The following ATP8A1 variants were observed in gnomAD, a reference collection of about 807,000 sequenced individuals.
ATP8A1 encodes ATPase phospholipid transporting 8A1.
ATP8A1 carries 90 observed loss-of-function variants against 177.7 expected under a neutral mutation model. The observed-to-expected ratio is 0.51, with a 90% confidence interval of 0.43 to 0.60. The LOEUF (loss-of-function observed/expected upper bound fraction) is 0.60. Ranked by LOEUF, ATP8A1 falls within the 20% of genes least tolerant of loss-of-function variation. The pLI is 0.00. For synonymous variants in ATP8A1, 493 were observed against 485.9 expected, an observed-to-expected ratio of 1.01 and a Z score of -0.19; for missense variants, 1,072 against 1,392.8, an observed-to-expected ratio of 0.77 and a Z score of 3.67.
chr4:42,639,811 C>T (rs1360813968), intron 1 of ATP8A1, among the ~76,000 whole-genome samples: 2 of 152,088 alleles, frequency 1.3e-5, no homozygotes, highest in Non-Finnish European at 2.9e-5. Context: ...TTCCAAGACC[C>T]CTTACCAAAT....
intron 5 of ATP8A1, among the ~76,000 whole-genome samples, chr4:42,612,757 C>A (rs1230780791): frequency 1.3e-5 from 2 of 152,004 alleles, no homozygotes; most frequent in Non-Finnish European, 2.9e-5. Context: ...GAAAACAGGG[C>A]ATCCAATAAG....
intron 29 of ATP8A1, 138 bp from the exon 30 acceptor site, chr4:42,452,197 G>A: frequency 2.0e-6 from 1 of 507,940 alleles, no homozygotes; most frequent in Admixed American, 3.5e-5. Flanking sequence ...AGAACTGACA[G>A]ACACTTTCTG....
At chr4:42,552,233 G>T (rs1729574238) in intron 17 of ATP8A1, among the ~76,000 whole-genome samples, 1 of 152,080 alleles carries the variant, frequency 6.6e-6, no homozygotes, top group Non-Finnish European at 1.5e-5. Context: ...ATTATTATGT[G>T]TATGTAAAAA....
intron 25 of ATP8A1, among the ~76,000 whole-genome samples, chr4:42,468,068 C>A (rs1441769671): frequency 4.6e-5 from 7 of 151,920 alleles, no homozygotes; most frequent in African/African-American, 1.7e-4. Context: ...ATAAAAAAAT[C>A]AAAAAAGAAT....
rs548843158 is a variant in ATP8A1, at chr4:42,412,853, G to A, written c.*63C>T. On this transcript the variant is annotated 3_prime_UTR_variant, in exon 37 of 37. Transcript: ENST00000381668. ...CCAGACTGGAATTGGTTAGCAGACTGCGGTGACAACCTGGTAGCTCTCCTT... is the reference window on the plus strand; with the variant it reads ...CCAGACTGGAATTGGTTAGCAGACTACGGTGACAACCTGGTAGCTCTCCTT... The A allele has an allele frequency of 7.8e-6, 11 of 1,417,278 alleles. No homozygotes were observed. In the South Asian group the frequency reaches 1.2e-4, roughly 15 times the overall value. The allele number at this position is 1,417,278 out of a possible 1,614,324, so 87.8% of individuals were successfully genotyped here.
intron 1 of ATP8A1, among the ~76,000 whole-genome samples, chr4:42,641,109 C>G (rs1407120827): frequency 2.0e-5 from 3 of 151,726 alleles, no homozygotes; most frequent in Non-Finnish European, 4.4e-5. Flanking sequence ...GTGCAGACTG[C>G]CTGGGTTCCA....
Position 42,552,455 on chromosome 4 carries a change from T to C in ATP8A1, c.1519+50A>G, listed in dbSNP as rs200548856. The C allele has an allele frequency of 1.9e-3, 2,758 of 1,444,470 alleles. 11 individuals are homozygous for C. The highest frequency in any genetic ancestry group is 1.9e-3 in the Non-Finnish European group (1,937 of 1,043,280). The allele number at this position is 1,444,470 out of a possible 1,614,324, so 89.5% of individuals were successfully genotyped here. On this transcript the variant is annotated intron_variant, in intron 17 of 36. Coordinates refer to ENST00000381668, the MANE Select transcript of ATP8A1 (RefSeq NM_006095.2). Reference sequence around the variant, plus strand: ...TTTTAAAATTAAATTGACTTTTACATTCAGAACAATTTTCCACAAAACAAT... The same window carrying C: ...TTTTAAAATTAAATTGACTTTTACACTCAGAACAATTTTCCACAAAACAAT...
chr4:42,466,854 T>C (rs1719825732), intron 25 of ATP8A1, among the ~76,000 whole-genome samples: 1 of 152,264 alleles, frequency 6.6e-6, no homozygotes, highest in African/African-American at 2.4e-5. Flanking sequence ...TGTAGGCCAA[T>C]GTTTAAACCT....
intron 24 of ATP8A1, 26 bp from the exon 25 acceptor site, chr4:42,485,694 C>A (rs765234579): frequency 6.3e-7 from 1 of 1,593,170 alleles, no homozygotes; most frequent in Non-Finnish European, 8.6e-7. Flanking sequence ...AGCAAAAATG[C>A]CATCAACATT....
intron 18 of ATP8A1, among the ~76,000 whole-genome samples, chr4:42,550,802 C>T (rs924438254): frequency 2.6e-5 from 4 of 152,150 alleles, no homozygotes; most frequent in Non-Finnish European, 4.4e-5. Context: ...TATTGGCCAT[C>T]CATATAGCTT....
chr4:42,503,296 C>T lies in ATP8A1; in HGVS notation c.2151+154G>A, dbSNP rs571758980. On this transcript the variant is annotated intron_variant, in intron 24 of 36. Transcript: ENST00000381668. ...CTTGAATCAATTTACATCAATGTGACTCAAAACAGAGTACATTATGTTAAA... is the reference window on the plus strand; with the variant it reads ...CTTGAATCAATTTACATCAATGTGATTCAAAACAGAGTACATTATGTTAAA... 2.6e-5 allele frequency among the ~76,000 whole-genome samples: 4 copies of T among 152,226 alleles called. No homozygotes were observed. The South Asian group carries it at 8.3e-4, about 32-fold the overall frequency.
rs528606663 is a variant in ATP8A1 at position 42,630,369 on chromosome 4, T to C, written c.50-3260A>G. 1.8e-4 allele frequency among the ~76,000 whole-genome samples: 28 copies of C among 152,280 alleles called. No individual in the cohort carries two copies. In the South Asian group the frequency reaches 5.8e-3, roughly 32 times the overall value. On this transcript the variant is annotated intron_variant, in intron 1 of 36. Coordinates refer to ENST00000381668, the MANE Select transcript of ATP8A1 (RefSeq NM_006095.2). ...CACATAAGTCATTAAAATTTACTAG[T>C]AGCTTTTAATCCACCTGTCTGAACT...
In ATP8A1 at chr4:42,552,538, C is replaced by T; in HGVS notation, c.1486G>A (p.Gly496Ser). 6.2e-7 allele frequency: 1 copy of T among 1,613,150 alleles called. No individual in the cohort carries two copies. The highest frequency in any genetic ancestry group is 1.1e-5 in the South Asian group (1 of 90,904). Residue 496 changes from glycine (G) to serine (S), a missense_variant, in exon 17 of 37, where the codon GGT (glycine) becomes AGT (serine). Coordinates refer to ENST00000381668, the MANE Select transcript of ATP8A1 (RefSeq NM_006095.2). ...GCTGCTTGATAAATAATCTTGTCACCTTCTCGCTCTGGCACTGCTGTGTGA... is the reference window on the plus strand; with the variant it reads ...GCTGCTTGATAAATAATCTTGTCACTTTCTCGCTCTGGCACTGCTGTGTGA... ...VCHTAVPERE[G>S]DKIIYQAASP...
At chr4:42,519,936 T>C (rs1725938365) in intron 22 of ATP8A1, among the ~76,000 whole-genome samples, 1 of 152,214 alleles carries the variant, frequency 6.6e-6, no homozygotes, top group Admixed American at 6.5e-5. Flanking sequence ...CATGTGTATA[T>C]GTGTATACAC....
chr4:42,652,684 C>A (rs1187651925), intron 1 of ATP8A1, among the ~76,000 whole-genome samples: 1 of 152,114 alleles, frequency 6.6e-6, no homozygotes, highest in Non-Finnish European at 1.5e-5. Flanking sequence ...GGGGGCAGGT[C>A]TTTCCCGTGC....
At chr4:42,556,877 A>T (rs1479949738) in intron 15 of ATP8A1, among the ~76,000 whole-genome samples, 1 of 152,204 alleles carries the variant, frequency 6.6e-6, no homozygotes, top group Non-Finnish European at 1.5e-5. Flanking sequence ...TGAGGGAAAA[A>T]AATGTGTCCA....
rs773669395 is a variant in ATP8A1, at chr4:42,656,879, C to T, written c.-6G>A. The T allele has an allele frequency of 1.1e-5, 18 of 1,583,084 alleles. No individual in the cohort carries two copies. In the Admixed American group the frequency reaches 3.0e-4, roughly 26 times the overall value. On this transcript the variant is annotated 5_prime_UTR_variant, in exon 1 of 37. Coordinates refer to ENST00000381668, the MANE Select transcript of ATP8A1 (RefSeq NM_006095.2). Reference sequence around the variant, plus strand: ...GTCCTCCGCATGGTGGGCATCGCGGCGGCGGCTGCAGGTGGGTCCTCAGCC... The same window carrying T: ...GTCCTCCGCATGGTGGGCATCGCGGTGGCGGCTGCAGGTGGGTCCTCAGCC...
chr4:42,630,131 A>G (rs1011038295), intron 1 of ATP8A1, among the ~76,000 whole-genome samples: 8 of 152,164 alleles, frequency 5.3e-5, no homozygotes, highest in African/African-American at 1.9e-4. Flanking sequence ...AGCTATAATA[A>G]CCACATAAAG....
intron 12 of ATP8A1, 107 bp downstream of exon 12, chr4:42,578,153 G>T: frequency 9.2e-7 from 1 of 1,086,416 alleles, no homozygotes; most frequent in Non-Finnish European, 1.2e-6. Context: ...TGATACTGTG[G>T]TCAAGAAACG....
Sources: gnomAD v4.1 joint callset for allele counts (sites outside exome capture counted in the v4.1 genomes callset) on GRCh38, gnomAD v4.1.1 for gene constraint, MANE v1.5 for transcripts, NCBI Gene and HGNC (gene_info 2026-07-23, HGNC 2026-07-21) for gene names.